Variants in CDH13 observed in about 807,000 individuals in gnomAD.
The protein encoded by CDH13 is cadherin 13.
Under a neutral mutation model 63.8 loss-of-function variants are expected in CDH13, and 24 were observed. The observed-to-expected ratio is 0.38, with a 90% CI of 0.27 to 0.53. The LOEUF is 0.53. CDH13 is among the 20% of genes least tolerant of loss of function. CDH13 has a pLI of 0.85. For missense variants in CDH13, 1,049 were observed against 903.1 expected (o/e 1.16, Z -2.07); for synonymous variants, 503 against 355.3 (o/e 1.42, Z -4.67).
intron 6 of CDH13, among the ~76,000 whole-genome samples, chr16:83,480,537 G>T (rs1182099932): frequency 1.3e-5 from 2 of 152,160 alleles, no homozygotes; most frequent in African/African-American, 4.8e-5. Context: ...TGGTGTGTTT[G>T]GGGTGGCCAG....
chr16:83,123,783 C>A (rs1289416751), intron 3 of CDH13, among the ~76,000 whole-genome samples: 1 of 152,116 alleles, frequency 6.6e-6, no homozygotes, highest in Non-Finnish European at 1.5e-5. Context: ...AATCATCATA[C>A]TGTTTTTCAT....
At chr16:82,965,679 G>A (rs990108041) in intron 2 of CDH13, among the ~76,000 whole-genome samples, 1 of 152,238 alleles carries the variant, frequency 6.6e-6, no homozygotes, top group African/African-American at 2.4e-5. Context: ...TTTTAGTAGT[G>A]ACGGGGTTTC....
At chr16:82,690,463 C>T (rs941065582) in intron 1 of CDH13, among the ~76,000 whole-genome samples, 5 of 152,168 alleles carry the variant, frequency 3.3e-5, no homozygotes, top group East Asian at 1.9e-4. Flanking sequence ...TCTGTCTTTA[C>T]ACATTTATTG....
Position 83,671,116 on chromosome 16 carries a change from A to T in CDH13, c.1284+144A>T, listed in dbSNP as rs1914463168. On this transcript the variant is annotated intron_variant, in intron 9 of 13. Transcript: ENST00000567109. The stretch of plus-strand genomic sequence containing the variant: ...TGGGAATTAACAAAGGAAAAGGCTC[A>T]TGGCTTAAGGGTGCACTCGTATCCT... 4.2e-6 allele frequency: 3 copies of T among 717,022 alleles called. No homozygotes were observed. In the African/African-American group the frequency reaches 5.3e-5, roughly 13 times the overall value. 44.4% of individuals were successfully genotyped at this position (717,022 alleles called of 1,614,324 possible). A position where few individuals can be genotyped will look rare whatever the true frequency, so the allele number is the denominator to read the frequency against.
At chr16:82,825,427 T>C (rs1343253334) in intron 1 of CDH13, 2 of 151,872 alleles carry the variant, frequency 1.3e-5, no homozygotes, top group East Asian at 3.8e-4. Flanking sequence ...TTTTTCTTGA[T>C]ACTTCAAAAA....
intron 4 of CDH13, chr16:83,171,591 A>C: frequency 6.6e-7 from 1 of 1,522,416 alleles, no homozygotes; most frequent in Non-Finnish European, 8.8e-7. Flanking sequence ...AAATTTTGAA[A>C]TATCTGTGTC....
intron 8 of CDH13, among the ~76,000 whole-genome samples, chr16:83,659,954 T>G (rs1913288436): frequency 6.6e-6 from 1 of 151,782 alleles, no homozygotes; most frequent in Non-Finnish European, 1.5e-5. Flanking sequence ...ACCCAGCTAA[T>G]TTTTGTATTT....
intron 5 of CDH13, among the ~76,000 whole-genome samples, chr16:83,295,912 C>A (rs570099651): frequency 1.3e-5 from 2 of 152,132 alleles, no homozygotes; most frequent in Non-Finnish European, 2.9e-5. Flanking sequence ...GATATGGAAT[C>A]AACCTAAAAA....
Position 83,355,888 on chromosome 16 carries a change from G to A in CDH13, c.781+10882G>A, listed in dbSNP as rs114481530. Among the ~76,000 whole-genome samples, 750 of 152,288 alleles carry A rather than the reference G, an allele frequency of 4.9e-3. 5 individuals carry two copies. The highest frequency in any genetic ancestry group is 0.017 in the African/African-American group (712 of 41,556). Reference sequence around the variant, plus strand: ...TGGTAATCAGCTGTATATTTTTCTAGCACTATTATGTACTGGATACTGGTC... The same window carrying A: ...TGGTAATCAGCTGTATATTTTTCTAACACTATTATGTACTGGATACTGGTC... On this transcript the variant is annotated intron_variant, in intron 6 of 13. Transcript: ENST00000567109.
At chr16:83,433,881 ACTCTTAAT>A (rs2072204397) in intron 6 of CDH13, among the ~76,000 whole-genome samples, 1 of 152,060 alleles carries the variant, frequency 6.6e-6, no homozygotes, top group Non-Finnish European at 1.5e-5. Flanking sequence ...TGCAAAGCAC[ACTCTTAAT>A]CTAAAAATAT....
At chr16:82,669,407 A>G (rs1347671982) in intron 1 of CDH13, among the ~76,000 whole-genome samples, 2 of 152,256 alleles carry the variant, frequency 1.3e-5, no homozygotes, top group Non-Finnish European at 2.9e-5. Context: ...GATAAAGTCT[A>G]CAGAGAAAAT....
At chr16:82,974,927 G>T (rs866615481) in intron 2 of CDH13, among the ~76,000 whole-genome samples, 10 of 152,164 alleles carry the variant, frequency 6.6e-5, no homozygotes, top group African/African-American at 1.4e-4. Context: ...GCCGCAGGAT[G>T]CCCACACATA....
rs143563966 is a variant in CDH13 at position 83,052,050 on chromosome 16, T to G, written c.366+19832T>G. On this transcript the variant is annotated intron_variant, in intron 3 of 13. Coordinates refer to ENST00000567109, the MANE Select transcript of CDH13 (RefSeq NM_001257.5). ...AAAATGGTTAGATAAATTAGAAGCA[T>G]GAATAATTGATAGAGAAATAATTCA... Among the ~76,000 whole-genome samples, 26 of 152,308 alleles carry G rather than the reference T, an allele frequency of 1.7e-4. No homozygotes were observed. The East Asian group carries it at 5.0e-3, about 29-fold the overall frequency.
intron 1 of CDH13, among the ~76,000 whole-genome samples, chr16:82,839,354 T>A (rs1052560210): frequency 1.3e-5 from 2 of 152,216 alleles, no homozygotes; most frequent in Non-Finnish European, 2.9e-5. Flanking sequence ...TTTCCTTGAC[T>A]CTGACTGTAC....
At chr16:83,743,670 A>G (rs185252953) in intron 10 of CDH13, among the ~76,000 whole-genome samples, 1 of 150,302 alleles carries the variant, frequency 6.7e-6, no homozygotes, top group African/African-American at 2.4e-5. Flanking sequence ...TCATTATTTC[A>G]AATATGTTGA....
At chr16:82,903,222 T>C (rs1023086469) in intron 2 of CDH13, among the ~76,000 whole-genome samples, 3 of 152,220 alleles carry the variant, frequency 2.0e-5, no homozygotes, top group African/African-American at 7.2e-5. Context: ...GCAGCAGTAA[T>C]GAATGCCTCA....
At chr16:82,650,225 G>T (rs1910568369) in intron 1 of CDH13, among the ~76,000 whole-genome samples, 1 of 152,194 alleles carries the variant, frequency 6.6e-6, no homozygotes, top group East Asian at 1.9e-4. Flanking sequence ...TGAGGTACGT[G>T]AGGTTGCATT....
intron 5 of CDH13, among the ~76,000 whole-genome samples, chr16:83,322,996 C>A (rs1397867220): frequency 1.3e-5 from 2 of 151,906 alleles, no homozygotes; most frequent in Non-Finnish European, 2.9e-5. Context: ...TACTTTCATA[C>A]CCATTTGTTT....
chr16:82,731,666 C>T (rs1254372296), intron 1 of CDH13, among the ~76,000 whole-genome samples: 1 of 152,182 alleles, frequency 6.6e-6, no homozygotes, highest in African/African-American at 2.4e-5. Context: ...TCAGTTCTAA[C>T]TGTAAGTTGG....
Sources: gnomAD v4.1 joint callset for allele counts (sites outside exome capture counted in the v4.1 genomes callset) on GRCh38, gnomAD v4.1.1 for gene constraint, MANE v1.5 for transcripts, NCBI Gene and HGNC (gene_info 2026-07-23, HGNC 2026-07-21) for gene names.